The following ROBO2 variants were observed in gnomAD, a reference collection of about 807,000 sequenced individuals.
ROBO2 encodes the protein roundabout homolog 2.
In ROBO2, 53 loss-of-function variants were observed where a neutral mutation model predicts 160.8. The ratio of observed to expected loss-of-function variants is 0.33; its 90% CI spans 0.26 to 0.41. The LOEUF is 0.41. Ranked by LOEUF, ROBO2 falls within the 10% of genes least tolerant of loss-of-function variation. The probability of loss-of-function intolerance (pLI) is 1.00; values close to 1 mark genes in which losing one functional copy is unlikely to be tolerated. For synonymous variants in ROBO2, 664 were observed against 611.7 expected (o/e 1.09, Z -1.26); for missense variants, 1,577 against 1,722.4 (o/e 0.92, Z 1.49).
intron 2 of ROBO2, among the ~76,000 whole-genome samples, chr3:76,935,031 C>A (rs1035685171): frequency 7.3e-5 from 11 of 149,710 alleles, no homozygotes; most frequent in Non-Finnish European, 1.5e-5. Flanking sequence ...CTGCTCACTG[C>A]AGTCTTGACT....
intron 2 of ROBO2, among the ~76,000 whole-genome samples, chr3:77,233,099 C>G (rs924313137): frequency 1.3e-5 from 2 of 152,206 alleles, no homozygotes; most frequent in Non-Finnish European, 2.9e-5. Flanking sequence ...GGAAAAAAGT[C>G]CACAACCGAG....
intron 2 of ROBO2, among the ~76,000 whole-genome samples, chr3:76,283,287 C>T (rs557364842): frequency 6.6e-6 from 1 of 150,958 alleles, no homozygotes; most frequent in East Asian, 2.0e-4. Context: ...TATTAAGGAA[C>T]CGATGAAGTT....
chr3:76,920,512 T>C (rs533553828), intron 2 of ROBO2, among the ~76,000 whole-genome samples: 1 of 152,208 alleles, frequency 6.6e-6, no homozygotes, highest in Admixed American at 6.5e-5. Context: ...GTTTCTTCTA[T>C]GAAGCAGAAA....
At chr3:76,483,874 G>A (rs1281437035) in intron 2 of ROBO2, among the ~76,000 whole-genome samples, 3 of 152,222 alleles carry the variant, frequency 2.0e-5, no homozygotes, top group African/African-American at 7.2e-5. Flanking sequence ...ACTCATCCAT[G>A]TCCCTGCAAA....
chr3:75,995,544 G>A (rs984671654), intron 2 of ROBO2, among the ~76,000 whole-genome samples: 1 of 152,184 alleles, frequency 6.6e-6, no homozygotes, highest in Non-Finnish European at 1.5e-5. Context: ...CTCTCATGGA[G>A]AACTTCTGCT....
chr3:75,987,035 T>C (rs941340040), intron 2 of ROBO2, among the ~76,000 whole-genome samples: 1 of 151,880 alleles, frequency 6.6e-6, no homozygotes, highest in Non-Finnish European at 1.5e-5. Context: ...TTTTCAAGAT[T>C]GTTTTGGCTA....
exon 26 of ROBO2, chr3:77,649,388 T>A (rs2095433946): frequency 6.6e-6 from 1 of 152,176 alleles, no homozygotes; most frequent in African/African-American, 2.4e-5. Flanking sequence ...TATGTAATTG[T>A]CCATTGACAA....
intron 2 of ROBO2, among the ~76,000 whole-genome samples, chr3:76,443,026 C>T (rs978592798): frequency 7.2e-5 from 11 of 151,870 alleles, no homozygotes; most frequent in East Asian, 5.8e-4. Flanking sequence ...ACAGGAAGCA[C>T]GGCACCAACA....
intron 2 of ROBO2, among the ~76,000 whole-genome samples, chr3:76,744,775 A>AT (rs34988961): frequency 0.67 from 101,267 of 151,896 alleles, 34,121 homozygotes; most frequent in African/African-American, 0.77. Flanking sequence ...AAAAACTCAA[A>AT]TTTAAATAAA....
At chr3:76,849,343 C>A (rs1391905986) in intron 2 of ROBO2, among the ~76,000 whole-genome samples, 2 of 152,118 alleles carry the variant, frequency 1.3e-5, no homozygotes, top group African/African-American at 2.4e-5. Flanking sequence ...TTGGGAGAGA[C>A]ATGTTATATT....
chr3:76,964,732 G>T (rs538350056), intron 2 of ROBO2, among the ~76,000 whole-genome samples: 2 of 152,232 alleles, frequency 1.3e-5, no homozygotes, highest in Admixed American at 1.3e-4. Context: ...TACATTCCTA[G>T]TATTTATTCT....
intron 2 of ROBO2, among the ~76,000 whole-genome samples, chr3:76,984,514 C>T (rs1309659305): frequency 6.6e-6 from 1 of 152,162 alleles, no homozygotes; most frequent in African/African-American, 2.4e-5. Flanking sequence ...TCTACCACAC[C>T]TGTAAGTACG....
At chr3:76,589,840 A>G (rs937262518) in intron 2 of ROBO2, among the ~76,000 whole-genome samples, 7 of 152,182 alleles carry the variant, frequency 4.6e-5, no homozygotes, top group Non-Finnish European at 7.4e-5. Context: ...CATATGATTT[A>G]CTACTGATCA....
At chr3:77,315,655 T>C (rs2063915871) in intron 2 of ROBO2, among the ~76,000 whole-genome samples, 1 of 152,234 alleles carries the variant, frequency 6.6e-6, no homozygotes. Context: ...ATTATAAATA[T>C]ATACCTCCAA....
chr3:76,349,313 G>T (rs534612414), intron 2 of ROBO2, among the ~76,000 whole-genome samples: 7 of 151,992 alleles, frequency 4.6e-5, no homozygotes, highest in African/African-American at 2.4e-5. Flanking sequence ...TCCCAATTTT[G>T]TAATAAATAA....
chr3:77,161,551 A>G (rs2078487892), intron 2 of ROBO2, among the ~76,000 whole-genome samples: 1 of 152,198 alleles, frequency 6.6e-6, no homozygotes, highest in Non-Finnish European at 1.5e-5. Context: ...GAAGAGAGTA[A>G]AGTAGTTGAA....
intron 2 of ROBO2, among the ~76,000 whole-genome samples, chr3:76,092,150 G>T (rs986949611): frequency 6.6e-6 from 1 of 152,156 alleles, no homozygotes; most frequent in South Asian, 2.1e-4. Flanking sequence ...TGTTGATAGT[G>T]TGGGACGTTG....
chr3:77,472,202 C>A (rs2083427263), intron 2 of ROBO2, among the ~76,000 whole-genome samples: 1 of 151,996 alleles, frequency 6.6e-6, no homozygotes, highest in South Asian at 2.1e-4. Flanking sequence ...ACATTCTGTT[C>A]ATCGAAGGTA....
At chr3:76,678,062 C>T (rs1233511014) in intron 2 of ROBO2, among the ~76,000 whole-genome samples, 4 of 142,120 alleles carry the variant, frequency 2.8e-5, no homozygotes, top group Non-Finnish European at 4.5e-5. Flanking sequence ...ACTCCACCTA[C>T]CAGGTTCAAG....
Sources: allele counts gnomAD v4.1 joint callset (sites outside exome capture counted in the v4.1 genomes callset), GRCh38; gene constraint gnomAD v4.1.1; transcripts MANE v1.5; gene names NCBI Gene and HGNC (gene_info 2026-07-23, HGNC 2026-07-21).